DYNC1LI2: variants seen among roughly 807,000 people sequenced by gnomAD.
DYNC1LI2 encodes cytoplasmic dynein 1 light intermediate chain 2.
In DYNC1LI2, 19 loss-of-function variants were observed where a neutral mutation model predicts 57.8. The ratio of observed to expected loss-of-function variants is 0.33; its 90% CI spans 0.23 to 0.48. The LOEUF (loss-of-function observed/expected upper bound fraction) is 0.48. Ranked by LOEUF, DYNC1LI2 falls within the 20% of genes least tolerant of loss-of-function variation. DYNC1LI2 has a pLI of 0.99. For synonymous variants in DYNC1LI2, 256 were observed against 233.4 expected (o/e 1.10, Z -0.88); for missense variants, 470 against 604.2 (o/e 0.78, Z 2.33).
intron 3 of DYNC1LI2, among the ~76,000 whole-genome samples, chr16:66,747,121 C>T (rs2017950245): frequency 6.7e-6 from 1 of 149,380 alleles, no homozygotes; most frequent in Non-Finnish European, 1.5e-5. Flanking sequence ...ACTCTGTTGC[C>T]CAGGCTGGAG....
Position 66,723,545 on chromosome 16 carries a change from T to C in DYNC1LI2, c.*177A>G, listed in dbSNP as rs77040735. ...TTAACAAAGGGTCTGACATGTAACC[T>C]TCCTAAATGTGCATTTCACACTCGG... On this transcript the variant is annotated 3_prime_UTR_variant, in exon 13 of 13. Transcript: ENST00000258198. The C allele has an allele frequency of 0.019, 12,357 of 663,608 alleles. 177 individuals carry two copies. Among genetic ancestry groups the C allele is most frequent in the Non-Finnish European group, 0.027 (10,020 of 375,160 alleles). 41.1% of individuals were successfully genotyped at this position (663,608 alleles called of 1,614,324 possible). A position where few individuals can be genotyped will look rare whatever the true frequency, so the allele number is the denominator to read the frequency against.
At chr16:66,733,995 AAAACAAACAAAC>A in intron 6 of DYNC1LI2, 1 of 496,372 alleles carries the variant, frequency 2.0e-6, no homozygotes, top group South Asian at 2.6e-5. Context: ...ACACCATCTT[AAAACAAACAAAC>A]AAACAAACAA....
intron 11 of DYNC1LI2, among the ~76,000 whole-genome samples, chr16:66,726,185 C>T (rs1290484285): frequency 2.6e-5 from 4 of 152,232 alleles, no homozygotes; most frequent in Non-Finnish European, 2.9e-5. Flanking sequence ...CTGTGCTCCA[C>T]ACCACCTCCC....
chr16:66,723,610 C>A lies in DYNC1LI2; in HGVS notation c.*112G>T. The A allele has an allele frequency of 1.4e-4, 103 of 753,900 alleles. No individual in the cohort carries two copies. The highest frequency in any genetic ancestry group is 2.5e-4 in the Middle Eastern group (1 of 3,988). The allele number at this position is 753,900 out of a possible 1,614,324, so 46.7% of individuals were successfully genotyped here. A position where few individuals can be genotyped will look rare whatever the true frequency, so the allele number is the denominator to read the frequency against. On this transcript the variant is annotated 3_prime_UTR_variant, in exon 13 of 13. Coordinates refer to ENST00000258198, the MANE Select transcript of DYNC1LI2 (RefSeq NM_006141.3). Reference sequence around the variant, plus strand: ...TTTTTTTTTTTTTTTTAAAGTTCATCTCCCCTGCCCCAAAAAACTGATAGC... The same window carrying A: ...TTTTTTTTTTTTTTTTAAAGTTCATATCCCCTGCCCCAAAAAACTGATAGC...
At chr16:66,734,139 G>A in intron 6 of DYNC1LI2, 79 bp downstream of exon 6, 1 of 1,326,504 alleles carries the variant, frequency 7.5e-7, no homozygotes, top group Non-Finnish European at 1.1e-6. Flanking sequence ...CTGGGTTTGG[G>A]AGGTGCTTTA....
intron 4 of DYNC1LI2, among the ~76,000 whole-genome samples, chr16:66,737,594 C>A (rs1378259745): frequency 6.6e-6 from 1 of 151,828 alleles, no homozygotes; most frequent in African/African-American, 2.4e-5. Context: ...CCAGGCTGGT[C>A]TTGCCCAGCA....
At chr16:66,737,490 C>CAA (rs754336347) in intron 4 of DYNC1LI2, among the ~76,000 whole-genome samples, 7,358 of 57,706 alleles carry the variant, frequency 0.13, 552 homozygotes, top group African/African-American at 0.2. Context: ...GACTCCGTCT[C>CAA]AAAAAAAAAA....
chr16:66,723,720 G>C lies in DYNC1LI2; in HGVS notation c.*2C>G. ...TTCGACATATGCACTTTTTAAGGAG[G>C]TTCAGGCTTCATTTTCTGTTGAAGA... On this transcript the variant is annotated 3_prime_UTR_variant, in exon 13 of 13. Coordinates refer to ENST00000258198, the MANE Select transcript of DYNC1LI2 (RefSeq NM_006141.3). 1 of 1,602,992 alleles carries C rather than the reference G, an allele frequency of 6.2e-7. No individual in the cohort carries two copies. Among genetic ancestry groups the C allele is most frequent in the South Asian group, 1.1e-5 (1 of 88,054 alleles).
chr16:66,737,894 A>G (rs1478186658), intron 4 of DYNC1LI2, among the ~76,000 whole-genome samples: 1 of 152,192 alleles, frequency 6.6e-6, no homozygotes, highest in Non-Finnish European at 1.5e-5. Flanking sequence ...AAAAAATGCA[A>G]CAGTTAAAGC....
intron 7 of DYNC1LI2, 38 bp from the exon 8 acceptor site, chr16:66,730,261 G>A: frequency 6.3e-7 from 1 of 1,580,518 alleles, no homozygotes; most frequent in Non-Finnish European, 8.6e-7. Flanking sequence ...TGCTTTTCCT[G>A]GGGCTGCCTT....
intron 11 of DYNC1LI2, among the ~76,000 whole-genome samples, chr16:66,727,381 G>C (rs2144969053): frequency 6.6e-6 from 1 of 152,266 alleles, no homozygotes; most frequent in Admixed American, 6.5e-5. Flanking sequence ...GTGAGACCCT[G>C]TCTCTAAAAA....
At chr16:66,736,454 CG>C (rs1009465695) in intron 4 of DYNC1LI2, among the ~76,000 whole-genome samples, 1 of 152,124 alleles carries the variant, frequency 6.6e-6, no homozygotes, top group Non-Finnish European at 1.5e-5. Context: ...TTTGTAACAT[CG>C]GGGCAGCAAA....
rs1039607083 is a variant in DYNC1LI2, at chr16:66,723,276, CTCCT to C, written c.*442_*445del. 2.0e-5 allele frequency: 9 copies of C among 452,426 alleles called. No individual in the cohort carries two copies. The highest frequency in any genetic ancestry group is 1.8e-4 in the African/African-American group (9 of 49,988). 28.0% of individuals were successfully genotyped at this position (452,426 alleles called of 1,614,324 possible). The stretch of plus-strand genomic sequence containing the variant: ...TTCCCCACCATCACTTGTCTCATTA[CTCCT>C]TCTGGTCTTTCTTTCCTGGACTTTC... On this transcript the variant is annotated 3_prime_UTR_variant, in exon 13 of 13. Transcript: ENST00000258198.
chr16:66,743,253 T>G (rs1455476346), intron 3 of DYNC1LI2, among the ~76,000 whole-genome samples: 1 of 151,520 alleles, frequency 6.6e-6, no homozygotes, highest in African/African-American at 2.4e-5. Context: ...GTTTCCAAAA[T>G]GTCTATGAAG....
intron 3 of DYNC1LI2, among the ~76,000 whole-genome samples, chr16:66,747,181 C>T (rs56208696): frequency 1.3e-5 from 2 of 151,370 alleles, no homozygotes; most frequent in African/African-American, 4.9e-5. Context: ...CAGGTTGAAG[C>T]GATTCTCCTG....
At position 66,742,465 on chromosome 16, in the gene DYNC1LI2, C is replaced by G. The variant is rs1294024385; in HGVS notation, c.502G>C (p.Glu168Gln). ...EHIDKMKIPP[E>Q]KMRELERKFV... is the part of the protein sequence containing the mutation. ...TTCCGTTCCAGCTCCCTCATTTTTTCTGGTGGAATTTTCATTTTATCAATG... is the reference window on the plus strand; with the variant it reads ...TTCCGTTCCAGCTCCCTCATTTTTTGTGGTGGAATTTTCATTTTATCAATG... Residue 168 changes from glutamate to glutamine, a missense_variant, in exon 4 of 13, where the codon GAA becomes CAA. By Grantham distance (29) the Glu-to-Gln change is conservative. Transcript: ENST00000258198. 5.6e-6 allele frequency: 9 copies of G among 1,613,154 alleles called. No homozygotes were observed. Among genetic ancestry groups the G allele is most frequent in the African/African-American group, 1.3e-5 (1 of 74,966 alleles).
At chr16:66,723,930 A>C in intron 12 of DYNC1LI2, 108 bp from the exon 13 acceptor site, 1 of 878,686 alleles carries the variant, frequency 1.1e-6, no homozygotes, top group Non-Finnish European at 1.7e-6. Context: ...ACTTGATGAC[A>C]GTAACCTTAA....
Position 66,751,394 on chromosome 16 carries a change from G to A in DYNC1LI2, c.108-48C>T, listed in dbSNP as rs1235230490. 6.3e-7 allele frequency: 1 copy of A among 1,597,686 alleles called. No individual in the cohort carries two copies. Among genetic ancestry groups the A allele is most frequent in the East Asian group, 2.3e-5 (1 of 43,098 alleles). On this transcript the variant is annotated intron_variant, in intron 1 of 12. Coordinates refer to ENST00000258198, the MANE Select transcript of DYNC1LI2 (RefSeq NM_006141.3). This position sits in a 1 kb window ranked among gnomAD's most constrained non-coding sequence, Gnocchi z 5.2. Reference sequence around the variant, plus strand: ...GGTCAGCCCCGGGCCGGGCTGGGATGGCCCGGCTCGCGTCGGCCCCTCAGT... The same window carrying A: ...GGTCAGCCCCGGGCCGGGCTGGGATAGCCCGGCTCGCGTCGGCCCCTCAGT...
intron 3 of DYNC1LI2, among the ~76,000 whole-genome samples, chr16:66,747,341 G>C (rs1002940061): frequency 1.3e-5 from 2 of 152,014 alleles, no homozygotes; most frequent in Non-Finnish European, 2.9e-5. Flanking sequence ...CTCCCAAAAT[G>C]CTGGGATTAC....
Sources: gnomAD v4.1 joint callset for allele counts (sites outside exome capture counted in the v4.1 genomes callset) on GRCh38, gnomAD v4.1.1 for gene constraint, Gnocchi (gnomAD v3.1) non-coding constraint, MANE v1.5 for transcripts, NCBI Gene and HGNC (gene_info 2026-07-23, HGNC 2026-07-21) for gene names.